The following TTC3 variants were observed in gnomAD, a reference collection of about 807,000 sequenced individuals.
TTC3 encodes E3 ubiquitin-protein ligase TTC3.
Under a neutral mutation model 249.6 loss-of-function variants are expected in TTC3, and 180 were observed. The observed-to-expected ratio is 0.72, with a 90% confidence interval of 0.64 to 0.82. The LOEUF (loss-of-function observed/expected upper bound fraction) is 0.82. Among genes scored for constraint, TTC3 ranks in the 40% least tolerant of loss-of-function variants. The pLI, the probability that TTC3 is intolerant of heterozygous loss-of-function variation, is 0.00. For synonymous variants in TTC3, 717 were observed against 805.0 expected (o/e 0.89, Z 1.85); for missense variants, 2,061 against 2,398.4 (o/e 0.86, Z 2.94).
At chr21:37,129,378 C>A (rs1043168132) in intron 16 of TTC3, among the ~76,000 whole-genome samples, 1 of 152,090 alleles carries the variant, frequency 6.6e-6, no homozygotes, top group Non-Finnish European at 1.5e-5. Flanking sequence ...CACATGAAGC[C>A]TCCTTCCCTG....
intron 11 of TTC3, among the ~76,000 whole-genome samples, chr21:37,108,829 A>G (rs1008990795): frequency 2.0e-5 from 3 of 152,212 alleles, no homozygotes; most frequent in African/African-American, 4.8e-5. Context: ...AGTGAAGACA[A>G]CCATCTTGAT....
At chr21:37,198,328 G>A (rs1046429148) in intron 44 of TTC3, among the ~76,000 whole-genome samples, 1 of 152,188 alleles carries the variant, frequency 6.6e-6, no homozygotes, top group African/African-American at 2.4e-5. Flanking sequence ...GCTGCAGATG[G>A]TCAAGTACAT....
At chr21:37,089,503 C>T (rs1044019521) in intron 5 of TTC3, among the ~76,000 whole-genome samples, 12 of 151,904 alleles carry the variant, frequency 7.9e-5, no homozygotes, top group African/African-American at 2.9e-4. Flanking sequence ...AAATTAAGTG[C>T]AATGAACTTT....
chr21:37,097,893 G>A (rs1277353035), intron 10 of TTC3: 2 of 699,756 alleles, frequency 2.9e-6, no homozygotes, highest in Non-Finnish European at 5.3e-6. Flanking sequence ...CATTTATTGT[G>A]TTTTTCTTTT....
At chr21:37,153,311 T>C (rs1180862603) in intron 27 of TTC3, 34 bp downstream of exon 27, 8 of 1,553,256 alleles carry the variant, frequency 5.2e-6, no homozygotes, top group Middle Eastern at 1.7e-4. Flanking sequence ...CAATAAACTT[T>C]AATACGAAGG....
At chr21:37,180,857 T>A (rs975095533) in intron 35 of TTC3, among the ~76,000 whole-genome samples, 12 of 150,488 alleles carry the variant, frequency 8.0e-5, no homozygotes, top group African/African-American at 2.9e-4. Context: ...AAAAAAAAAA[T>A]TAAATATTTA....
chr21:37,191,631 T>G (rs2084121830), intron 40 of TTC3, among the ~76,000 whole-genome samples: 1 of 152,202 alleles, frequency 6.6e-6, no homozygotes, highest in Non-Finnish European at 1.5e-5. Flanking sequence ...CAGGCTGGAG[T>G]GCAGTGGTGC....
At chr21:37,129,965 C>T (rs2077341857) in intron 16 of TTC3, among the ~76,000 whole-genome samples, 1 of 152,138 alleles carries the variant, frequency 6.6e-6, no homozygotes, top group Admixed American at 6.5e-5. Flanking sequence ...GTTAACACCC[C>T]ATTGACAACA....
intron 1 of TTC3, chr21:37,083,395 A>C (rs540320594): frequency 4.1e-5 from 40 of 985,430 alleles, no homozygotes; most frequent in Non-Finnish European, 4.6e-5. Flanking sequence ...ATATGATCAG[A>C]GTTTTAGAGG....
chr21:37,097,371 A>T (rs2074042174), intron 10 of TTC3, among the ~76,000 whole-genome samples: 1 of 152,216 alleles, frequency 6.6e-6, no homozygotes, highest in Non-Finnish European at 1.5e-5. Flanking sequence ...ACTGTAAGAA[A>T]GGTGTAGGGT....
intron 11 of TTC3, among the ~76,000 whole-genome samples, chr21:37,115,679 G>A (rs1171147954): frequency 1.3e-5 from 2 of 152,114 alleles, no homozygotes; most frequent in Non-Finnish European, 2.9e-5. Context: ...ATCTGTCCCC[G>A]TCTTGAACAC....
At chr21:37,127,922 A>T (rs1261438674) in intron 15 of TTC3, among the ~76,000 whole-genome samples, 3 of 152,176 alleles carry the variant, frequency 2.0e-5, no homozygotes, top group Non-Finnish European at 4.4e-5. Flanking sequence ...AACATCTTTG[A>T]GGATAAAACT....
intron 1 of TTC3, among the ~76,000 whole-genome samples, chr21:37,080,849 G>A (rs2071541273): frequency 6.6e-6 from 1 of 151,364 alleles, no homozygotes; most frequent in Non-Finnish European, 1.5e-5. Context: ...CTCTTATAAG[G>A]GACATACTAC....
chr21:37,188,496 T>C, exon 39 of TTC3: 1 of 1,606,982 alleles, frequency 6.2e-7, no homozygotes, highest in Non-Finnish European at 8.5e-7. Context: ...TACTGGCAGG[T>C]ATCCGTACTT....
intron 12 of TTC3, 29 bp downstream of exon 12, chr21:37,122,008 A>C (rs968421676): frequency 1.9e-6 from 3 of 1,593,652 alleles, no homozygotes; most frequent in Non-Finnish European, 8.5e-7. Flanking sequence ...TTTTGGTTAC[A>C]GTCTTAATTC....
chr21:37,108,156 A>G (rs2075270940), intron 10 of TTC3: 1 of 403,058 alleles, frequency 2.5e-6, no homozygotes, highest in Non-Finnish European at 4.5e-6. Context: ...AAATATTAAA[A>G]GTAGTTATTC....
chr21:37,112,427 A>G lies in TTC3; in HGVS notation c.900+3981A>G, dbSNP rs1381288939. Among the ~76,000 whole-genome samples the G allele has an allele frequency of 2.6e-5, 4 of 152,336 alleles. No homozygotes were observed. The East Asian group carries it at 5.8e-4, about 22-fold the overall frequency. ...ACTGTAAACACCTCTACGCAAATAA[A>G]CTAGAAAATCTAGAAGAAATGGATA... On this transcript the variant is annotated intron_variant, in intron 11 of 45. Transcript: ENST00000355666.
chr21:37,111,224 C>T (rs569567533), intron 11 of TTC3, among the ~76,000 whole-genome samples: 30 of 152,186 alleles, frequency 2.0e-4, no homozygotes, highest in Admixed American at 3.9e-4. Flanking sequence ...TAAATGTAAA[C>T]GGGCTAAATG....
chr21:37,110,848 G>A (rs1234622349), intron 11 of TTC3, among the ~76,000 whole-genome samples: 1 of 152,062 alleles, frequency 6.6e-6, no homozygotes, highest in Non-Finnish European at 1.5e-5. Context: ...CAGACTAACT[G>A]CTGATCTCTC....
Sources: gnomAD v4.1 joint callset for allele counts (sites outside exome capture counted in the v4.1 genomes callset) on GRCh38, gnomAD v4.1.1 for gene constraint, MANE v1.5 for transcripts, NCBI Gene and HGNC (gene_info 2026-07-23, HGNC 2026-07-21) for gene names.